The following NECTIN1 variants were observed in gnomAD, a reference collection of about 807,000 sequenced individuals.
NECTIN1 encodes nectin-1.
In NECTIN1, 23 loss-of-function variants were observed where a neutral mutation model predicts 48.0. The ratio of observed to expected loss-of-function variants is 0.48; its 90% CI spans 0.34 to 0.68. NECTIN1 has a LOEUF of 0.68. Among genes scored for constraint, NECTIN1 ranks in the 30% least tolerant of loss-of-function variants. The pLI is 0.01. For missense variants in NECTIN1, 591 were observed against 709.9 expected (o/e 0.83, Z 1.90); for synonymous variants, 270 against 288.9 (o/e 0.93, Z 0.66).
chr11:119,638,859 C>T, intron 6 of NECTIN1: 1 of 1,477,850 alleles, frequency 6.8e-7, no homozygotes. Context: ...GGGGGCTCTC[C>T]CCATCAGGCC....
chr11:119,703,932 T>A (rs915951896), intron 1 of NECTIN1, among the ~76,000 whole-genome samples: 1 of 152,216 alleles, frequency 6.6e-6, no homozygotes, highest in African/African-American at 2.4e-5. Context: ...GGAATGGCGC[T>A]CACAGGGAGA....
intron 1 of NECTIN1, among the ~76,000 whole-genome samples, chr11:119,701,831 G>A (rs1865458626): frequency 6.6e-6 from 1 of 152,176 alleles, no homozygotes; most frequent in Non-Finnish European, 1.5e-5. Context: ...CAAGACAGGG[G>A]CAGCCCAAAT....
downstream of NECTIN1, among the ~76,000 whole-genome samples, chr11:119,660,286 G>T (rs1356768225): frequency 1.3e-5 from 2 of 152,112 alleles, no homozygotes; most frequent in Non-Finnish European, 2.9e-5. Flanking sequence ...GGATCGATTT[G>T]TCCTGCATTC....
intron 1 of NECTIN1, among the ~76,000 whole-genome samples, chr11:119,721,204 C>A (rs73575030): frequency 6.6e-6 from 1 of 152,244 alleles, no homozygotes. Context: ...CAGCTCCTCC[C>A]GGAGAAGGCC....
In NECTIN1 at chr11:119,647,996, G is replaced by A. The variant is rs373584453; in HGVS notation, c.1004-7984C>T. Among the ~76,000 whole-genome samples the A allele has an allele frequency of 3.6e-4, 54 of 148,298 alleles. 1 individual carries two copies. In the East Asian group the frequency reaches 8.0e-3, roughly 22 times the overall value. ...AGAGAATCACTTGAACCTGGGAGGC[G>A]GAGGCTGCAGTGAGCTGAGATCGTG... On this transcript the variant is annotated intron_variant, in intron 5 of 7. Transcript: ENST00000341398.
In NECTIN1 at chr11:119,664,488, T is replaced by G; in HGVS notation, c.*259A>C. 2 of 1,303,170 alleles carry G rather than the reference T, an allele frequency of 1.5e-6. No individual in the cohort carries two copies. The allele number at this position is 1,303,170 out of a possible 1,614,324, so 80.7% of individuals were successfully genotyped here. On this transcript the variant is annotated 3_prime_UTR_variant, in exon 6 of 6. Transcript: ENST00000264025. Reference sequence around the variant, plus strand: ...ACAGAGGGCAGGCAGGTGGGGCCCGTAAAGGGAAGATACAGTAACACTAAA... The same window carrying G: ...ACAGAGGGCAGGCAGGTGGGGCCCGGAAAGGGAAGATACAGTAACACTAAA...
At chr11:119,669,152 C>T (rs984110456) in intron 5 of NECTIN1, among the ~76,000 whole-genome samples, 2 of 152,204 alleles carry the variant, frequency 1.3e-5, no homozygotes, top group African/African-American at 4.8e-5. Context: ...TGGCTCATGC[C>T]TGTAATCCCA....
In NECTIN1 at chr11:119,663,566, T is replaced by C; in HGVS notation, c.*1181A>G. On this transcript the variant is annotated 3_prime_UTR_variant, in exon 6 of 6. Coordinates refer to ENST00000264025, the MANE Select transcript of NECTIN1 (RefSeq NM_002855.5). ...GGCATTGTATGGACTCCTCAGTCCC[T>C]CGGACTGTGTTTGCAGAGCTTCTGC... 1 of 985,546 alleles carries C rather than the reference T, an allele frequency of 1.0e-6. No homozygotes were observed. Among genetic ancestry groups the C allele is most frequent in the South Asian group, 4.7e-5 (1 of 21,290 alleles). 61.1% of individuals were successfully genotyped at this position (985,546 alleles called of 1,614,324 possible).
intron 5 of NECTIN1, among the ~76,000 whole-genome samples, chr11:119,653,615 G>A (rs1240748805): frequency 2.0e-5 from 3 of 152,214 alleles, no homozygotes; most frequent in African/African-American, 7.2e-5. Flanking sequence ...ATCCTACCTG[G>A]AACTTGGCAA....
chr11:119,713,964 G>C (rs1465895279), intron 1 of NECTIN1: 1 of 429,204 alleles, frequency 2.3e-6, no homozygotes, highest in Non-Finnish European at 4.7e-6. Flanking sequence ...CCTGGGCTTT[G>C]GGGGCAAGGG....
intron 1 of NECTIN1, among the ~76,000 whole-genome samples, chr11:119,681,092 G>C (rs1165788017): frequency 2.0e-5 from 3 of 152,246 alleles, no homozygotes; most frequent in Admixed American, 2.0e-4. Flanking sequence ...TCCAGATACA[G>C]TTCCATGGTG....
chr11:119,700,176 G>A (rs1165247270), intron 1 of NECTIN1, among the ~76,000 whole-genome samples: 1 of 152,140 alleles, frequency 6.6e-6, no homozygotes, highest in East Asian at 1.9e-4. Context: ...TGTGGTCACT[G>A]AGGCAGGGAG....
chr11:119,724,966 T>C (rs1335851903), intron 1 of NECTIN1, among the ~76,000 whole-genome samples: 1 of 152,236 alleles, frequency 6.6e-6, no homozygotes, highest in Admixed American at 6.5e-5. Flanking sequence ...GTGAATATGC[T>C]GACACCTCTC....
chr11:119,681,470 A>G (rs749260463), intron 1 of NECTIN1, among the ~76,000 whole-genome samples: 5 of 152,192 alleles, frequency 3.3e-5, no homozygotes, highest in Non-Finnish European at 7.3e-5. Flanking sequence ...GAAGGTGTGG[A>G]GGCAGGCAGG....
intron 5 of NECTIN1, among the ~76,000 whole-genome samples, chr11:119,653,530 G>C (rs1864522265): frequency 6.6e-6 from 1 of 152,168 alleles, no homozygotes; most frequent in African/African-American, 2.4e-5. Context: ...GTGGGTCGTG[G>C]TGCGAGACGA....
exon 8 of NECTIN1, chr11:119,638,163 G>T: frequency 6.2e-7 from 1 of 1,613,882 alleles, no homozygotes; most frequent in Non-Finnish European, 8.5e-7. Context: ...GAGACCCCCA[G>T]ATCATAGTAG....
At chr11:119,697,480 T>C (rs1865361956) in intron 1 of NECTIN1, among the ~76,000 whole-genome samples, 1 of 152,174 alleles carries the variant, frequency 6.6e-6, no homozygotes, top group South Asian at 2.1e-4. Context: ...AAATAAATAC[T>C]GGTGGTCAGT....
chr11:119,689,177 T>C (rs1227798905), intron 1 of NECTIN1, among the ~76,000 whole-genome samples: 1 of 152,214 alleles, frequency 6.6e-6, no homozygotes, highest in Non-Finnish European at 1.5e-5. Context: ...TTGTGCTTAA[T>C]TAGTGGCAAA....
At chr11:119,717,437 G>T (rs533752169) in intron 1 of NECTIN1, among the ~76,000 whole-genome samples, 15 of 152,262 alleles carry the variant, frequency 9.9e-5, no homozygotes, top group Admixed American at 3.3e-4. Context: ...GGCAGGGCTG[G>T]CCACCCTGCC....
Sources: gnomAD v4.1 joint callset for allele counts (sites outside exome capture counted in the v4.1 genomes callset) on GRCh38, gnomAD v4.1.1 for gene constraint, MANE v1.5 for transcripts, NCBI Gene and HGNC (gene_info 2026-07-23, HGNC 2026-07-21) for gene names.